The following TEDC1 variants were observed in gnomAD, a reference collection of about 807,000 sequenced individuals.
The protein encoded by TEDC1 is tubulin epsilon and delta complex protein 1.
A neutral mutation model predicts 59.9 loss-of-function variants in TEDC1; 54 were observed. The observed-to-expected ratio is 0.90, with a 90% CI of 0.72 to 1.13. The LOEUF is 1.13. TEDC1 is among the 50% of genes most tolerant of loss of function. The pLI is 0.00. For synonymous variants in TEDC1, 353 were observed against 298.1 expected (o/e 1.18, Z -1.90); for missense variants, 734 against 683.4 (o/e 1.07, Z -0.83).
At chr14:105,493,432 G>T (rs986838520) in intron 4 of TEDC1, among the ~76,000 whole-genome samples, 1 of 151,990 alleles carries the variant, frequency 6.6e-6, no homozygotes, top group African/African-American at 2.4e-5. Flanking sequence ...TCCCTTTTTT[G>T]GGGAGCCTTC....
upstream of TEDC1, chr14:105,491,191 T>A: frequency 6.5e-7 from 1 of 1,548,076 alleles, no homozygotes; most frequent in South Asian, 1.2e-5. Flanking sequence ...TGGGCGCAGG[T>A]CCCAGCCGGC....
intron 6 of TEDC1, 157 bp downstream of exon 6, chr14:105,496,243 T>C: frequency 1.3e-6 from 1 of 758,138 alleles, no homozygotes; most frequent in Non-Finnish European, 2.1e-6. Context: ...CTGTCAGGTG[T>C]GTTGAAGCGG....
chr14:105,494,071 T>G, intron 5 of TEDC1, 138 bp downstream of exon 5: 1 of 688,546 alleles, frequency 1.5e-6, no homozygotes, highest in South Asian at 1.7e-5. Context: ...TGTCTGCCAC[T>G]GATCATTGCC....
intron 7 of TEDC1, 83 bp downstream of exon 7, chr14:105,497,526 C>CTGGA: frequency 6.8e-7 from 1 of 1,467,078 alleles, no homozygotes; most frequent in Non-Finnish European, 9.2e-7. Context: ...TCCTGTTTTC[C>CTGGA]AGACAGGAAG....
In TEDC1 at chr14:105,492,119, G is replaced by T. The variant is rs181709041; in HGVS notation, c.239G>T (p.Arg80Leu). The change falls in exon 3 of 9, where the codon CGC becomes CTC. Residue 80 changes from arginine to leucine, a missense_variant. Transcript: ENST00000392523. ...LASLALEVQA[R>L]LVKSALCSQG... is the part of the protein sequence containing the mutation. ...TCTTCTGTCCTAGAGGTCCAAGCCCGCTTGGTGAAGTCAGCACTATGCTCC... is the reference window on the plus strand; with the variant it reads ...TCTTCTGTCCTAGAGGTCCAAGCCCTCTTGGTGAAGTCAGCACTATGCTCC... 2.5e-6 allele frequency: 4 copies of T among 1,607,838 alleles called. No individual in the cohort carries two copies. The highest frequency in any genetic ancestry group is 1.1e-5 in the South Asian group (1 of 90,386).
In TEDC1 at chr14:105,491,339, G is replaced by A; in HGVS notation, c.-37G>A. ...TTGGACGCAGGCCCCGGGCCGCGGC[G>A]GAGGCGGGCGATCCGAAAGAGGCTG... On this transcript the variant is annotated 5_prime_UTR_variant, in exon 1 of 9. Coordinates refer to ENST00000392523, the MANE Select transcript of TEDC1 (RefSeq NM_001367178.1). The A allele has an allele frequency of 6.8e-7, 1 of 1,461,972 alleles. No individual in the cohort carries two copies. The highest frequency in any genetic ancestry group is 9.0e-7 in the Non-Finnish European group (1 of 1,111,632). 90.6% of individuals were successfully genotyped at this position (1,461,972 alleles called of 1,614,324 possible).
At chr14:105,495,790 G>T (rs1334799637) in intron 5 of TEDC1, 90 bp from the exon 6 acceptor site, 11 of 1,073,216 alleles carry the variant, frequency 1.0e-5, no homozygotes, top group Admixed American at 2.5e-5. Context: ...GGTGGGCTGG[G>T]GGGGCCTGGA....
chr14:105,491,053 A>T, upstream of TEDC1: 1 of 1,551,286 alleles, frequency 6.4e-7, no homozygotes, highest in Non-Finnish European at 8.7e-7. Flanking sequence ...GGAACCGTTC[A>T]TTGGGCTTGG....
In TEDC1 at chr14:105,498,613, G is replaced by A. The variant is rs782118166; in HGVS notation, c.1159-4G>A. 1.4e-5 allele frequency: 22 copies of A among 1,534,896 alleles called. No homozygotes were observed. Among genetic ancestry groups the A allele is most frequent in the South Asian group, 7.4e-5 (6 of 81,410 alleles). On this transcript the variant is annotated splice_polypyrimidine_tract_variant and splice_region_variant and intron_variant, in intron 8 of 8. Transcript: ENST00000392523. ...CAGAGCCATTGCCATTGTGTCCCAC[G>A]CAGGCTGGAGGCTGTGGACGGGGGC...
At position 105,498,737 on chromosome 14, in the gene TEDC1, C is replaced by T. The variant is rs782533597; in HGVS notation, c.1279C>T (p.Pro427Ser). The change falls in exon 9 of 9, where the codon CCC becomes TCC. Residue 427 changes from proline (P) to serine (S), a missense_variant. By Grantham distance (74) the Pro-to-Ser change is moderately conservative. Transcript: ENST00000392523. ...CWERDGGPAQ[P>S]HGPHRLVRRE... ...GGAGCGAGACGGTGGCCCGGCCCAGCCCCATGGGCCACACCGGCTGGTGAG... is the reference window on the plus strand; with the variant it reads ...GGAGCGAGACGGTGGCCCGGCCCAGTCCCATGGGCCACACCGGCTGGTGAG... The T allele has an allele frequency of 3.9e-6, 6 of 1,557,772 alleles. No individual in the cohort carries two copies. Among genetic ancestry groups the T allele is most frequent in the Admixed American group, 1.9e-5 (1 of 51,406 alleles).
chr14:105,497,622 G>GC, intron 7 of TEDC1, 176 bp from the exon 8 acceptor site: 1 of 1,099,468 alleles, frequency 9.1e-7, no homozygotes, highest in Non-Finnish European at 1.3e-6. Flanking sequence ...TGCTGCCCCC[G>GC]CCCTCAGCTC....
At chr14:105,497,320 G>A (rs1555440614) in intron 6 of TEDC1, 37 bp from the exon 7 acceptor site, 12 of 1,541,490 alleles carry the variant, frequency 7.8e-6, no homozygotes, top group Admixed American at 2.0e-5. Context: ...ATGGGGTCCC[G>A]TGTGAGGTTC....
Position 105,498,604 on chromosome 14 carries a change from G to T in TEDC1, c.1159-13G>T. 6.6e-7 allele frequency: 1 copy of T among 1,524,018 alleles called. No individual in the cohort carries two copies. The highest frequency in any genetic ancestry group is 8.8e-7 in the Non-Finnish European group (1 of 1,131,934). The allele number at this position is 1,524,018 out of a possible 1,614,324, so 94.4% of individuals were successfully genotyped here. A position where few individuals can be genotyped will look rare whatever the true frequency, so the allele number is the denominator to read the frequency against. On this transcript the variant is annotated splice_polypyrimidine_tract_variant and intron_variant, in intron 8 of 8. Coordinates refer to ENST00000392523, the MANE Select transcript of TEDC1 (RefSeq NM_001367178.1). The stretch of plus-strand genomic sequence containing the variant: ...CTGGGGGGACAGAGCCATTGCCATT[G>T]TGTCCCACGCAGGCTGGAGGCTGTG...
intron 8 of TEDC1, 38 bp from the exon 9 acceptor site, chr14:105,498,579 C>G: frequency 6.7e-7 from 1 of 1,500,598 alleles, no homozygotes; most frequent in Non-Finnish European, 8.9e-7. Flanking sequence ...GGCCAGTGTC[C>G]TGGGGGGACA....
rs1179606679 is a variant in TEDC1 at position 105,499,247 on chromosome 14, C to T, written c.*301C>T. ...TTCCTGCCGCTGGCCCTCCCCCTGC[C>T]ACCCTGTCGGGTTTCCCTGTTTGGG... On this transcript the variant is annotated 3_prime_UTR_variant, in exon 9 of 9. Transcript: ENST00000392523. 1.0e-5 allele frequency: 5 copies of T among 498,770 alleles called. No individual in the cohort carries two copies. Among genetic ancestry groups the T allele is most frequent in the East Asian group, 7.1e-5 (2 of 27,992 alleles). 30.9% of individuals were successfully genotyped at this position (498,770 alleles called of 1,614,324 possible). A position where few individuals can be genotyped will look rare whatever the true frequency, so the allele number is the denominator to read the frequency against.
chr14:105,490,287 G>A (rs1345283354), upstream of TEDC1: 5 of 152,418 alleles, frequency 3.3e-5, no homozygotes, highest in African/African-American at 1.2e-4. Flanking sequence ...TGTCCAGCCA[G>A]GGCTGGGGGT....
chr14:105,498,806 G>T lies in TEDC1; in HGVS notation c.1348G>T (p.Val450Leu), dbSNP rs376423697. ...AGGGGACCGGGACCTGCGGGCAGCT[G>T]TGGTGATCAGGACGCTGAGGAGCCA... The part of the protein sequence containing the change: ...AAGDRDLRAA[V>L]VIRTLRSQEA... Residue 450 changes from valine (V) to leucine (L), a missense_variant, in exon 9 of 9, where the codon GTG becomes TTG. Physicochemically the swap from Val to Leu is conservative, Grantham distance 32. Coordinates refer to ENST00000392523, the MANE Select transcript of TEDC1 (RefSeq NM_001367178.1). The T allele has an allele frequency of 6.3e-7, 1 of 1,596,772 alleles. No homozygotes were observed. The highest frequency in any genetic ancestry group is 2.3e-5 in the East Asian group (1 of 44,120).
Position 105,498,948 on chromosome 14 carries a change from G to A in TEDC1, c.*2G>A. On this transcript the variant is annotated 3_prime_UTR_variant, in exon 9 of 9. Transcript: ENST00000392523. ...TGGATCCCGCCACCTGGACGCTGAG[G>A]GCCTGTCGACGGGCCCTCGTGTGGG... is the stretch of plus-strand genomic sequence containing the variant. 4 of 1,598,238 alleles carry A rather than the reference G, an allele frequency of 2.5e-6. No individual in the cohort carries two copies. Among genetic ancestry groups the A allele is most frequent in the Non-Finnish European group, 3.4e-6 (4 of 1,172,250 alleles).
At chr14:105,492,755 C>A in intron 4 of TEDC1, 21 bp downstream of exon 4, 2 of 1,537,776 alleles carry the variant, frequency 1.3e-6, no homozygotes, top group African/African-American at 2.7e-5. Context: ...CACAGGGCTT[C>A]CACTCAGGGG....
Sources: gnomAD v4.1 joint callset for allele counts (sites outside exome capture counted in the v4.1 genomes callset) on GRCh38, gnomAD v4.1.1 for gene constraint, MANE v1.5 for transcripts, NCBI Gene and HGNC (gene_info 2026-07-23, HGNC 2026-07-21) for gene names.